The following GTF3C4 variants were observed in gnomAD, a reference collection of about 807,000 sequenced individuals.
GTF3C4 encodes general transcription factor 3C polypeptide 4.
Under a neutral mutation model 67.5 loss-of-function variants are expected in GTF3C4, and 28 were observed. The ratio of observed to expected loss-of-function variants is 0.41; its 90% CI spans 0.31 to 0.57. GTF3C4 has a LOEUF of 0.57. Ranked by LOEUF, GTF3C4 falls within the 20% of genes least tolerant of loss-of-function variation. The probability of loss-of-function intolerance (pLI) is 0.21; values close to 1 mark genes in which losing one functional copy is unlikely to be tolerated. For synonymous variants in GTF3C4, 409 were observed against 393.0 expected (o/e 1.04, Z -0.48); for missense variants, 831 against 1,033.2 (o/e 0.80, Z 2.68).
intron 2 of GTF3C4, among the ~76,000 whole-genome samples, chr9:132,681,619 T>C (rs972594077): frequency 6.6e-6 from 1 of 152,192 alleles, no homozygotes; most frequent in Non-Finnish European, 1.5e-5. Context: ...GAAGTTTTAA[T>C]GTATTTTGTG....
chr9:132,684,108 T>G (rs1459294519), intron 3 of GTF3C4, among the ~76,000 whole-genome samples: 1 of 152,176 alleles, frequency 6.6e-6, no homozygotes, highest in African/African-American at 2.4e-5. Context: ...GTCCTGTCTC[T>G]GACTCTTCAT....
At chr9:132,671,456 T>G (rs533025335) in intron 1 of GTF3C4, among the ~76,000 whole-genome samples, 41 of 152,338 alleles carry the variant, frequency 2.7e-4, no homozygotes, top group Non-Finnish European at 3.5e-4. Context: ...GTCTTAATTG[T>G]TTCAGTGACT....
rs1302712779 is a variant in GTF3C4, at chr9:132,678,629, T to C, written c.1010T>C (p.Phe337Ser). The change falls in exon 2 of 5, where the codon TTT becomes TCT. Residue 337 changes from phenylalanine to serine, a missense_variant. Physicochemically the swap from Phe to Ser is radical, Grantham distance 155 (BLOSUM62 -2). Around this residue, in one of 4 missense-constraint regions of GTF3C4, gnomAD observed 390 missense variants for 540.3 expected, o/e 0.72. Coordinates refer to ENST00000372146, the MANE Select transcript of GTF3C4 (RefSeq NM_012204.4). The surrounding 1 kb of genome is among the most constrained non-coding windows in gnomAD (Gnocchi z 6.5). ...KMSGLIVGSA[F>S]GPIKILPVNL... ...AGTGGCCTTATTGTGGGGAGTGCTT[T>C]TGGACCCATAAAAATTCTTCCTGTC... The C allele has an allele frequency of 1.2e-6, 2 of 1,614,012 alleles. No individual in the cohort carries two copies. The highest frequency in any genetic ancestry group is 3.3e-5 in the Admixed American group (2 of 60,004).
intron 4 of GTF3C4, among the ~76,000 whole-genome samples, chr9:132,688,599 C>T (rs1374658507): frequency 6.6e-6 from 1 of 152,230 alleles, no homozygotes; most frequent in African/African-American, 2.4e-5. Context: ...ATACTCCTTT[C>T]TTTAAATTGA....
chr9:132,682,096 T>C lies in GTF3C4; in HGVS notation c.2185-1467T>C, dbSNP rs993092957. 1.3e-5 allele frequency among the ~76,000 whole-genome samples: 2 copies of C among 151,990 alleles called. 1 individual carries two copies. Among genetic ancestry groups the C allele is most frequent in the South Asian group, 4.1e-4 (2 of 4,828 alleles). On this transcript the variant is annotated intron_variant, in intron 2 of 4. Coordinates refer to ENST00000372146, the MANE Select transcript of GTF3C4 (RefSeq NM_012204.4). ...TCTAGCCGGGGCAACAGCGAGACCC[T>C]GTCTTAAAAAGGAAAAAGAAAAAAT...
rs754190204 is a variant in GTF3C4, at chr9:132,670,967, C to G, written c.357+12C>G. On this transcript the variant is annotated intron_variant, in intron 1 of 4. Transcript: ENST00000372146. ...GCTGTCTCCTCAAAGTAAGTCATCC[C>G]CCGCCATCCCTGGGGTCTTCCCCTG... is the stretch of plus-strand genomic sequence containing the variant. 36 of 1,571,642 alleles carry G rather than the reference C, an allele frequency of 2.3e-5. No individual in the cohort carries two copies. Among genetic ancestry groups the G allele is most frequent in the Middle Eastern group, 1.7e-4 (1 of 6,008 alleles).
chr9:132,678,275 C>T lies in GTF3C4; in HGVS notation c.656C>T (p.Thr219Ile). The change falls in exon 2 of 5, where the codon ACC becomes ATC. Residue 219 changes from threonine (T) to isoleucine (I), a missense_variant. By Grantham distance (89) the Thr-to-Ile change is moderately conservative. Around this residue, in one of 4 missense-constraint regions of GTF3C4, gnomAD observed 390 missense variants for 540.3 expected, o/e 0.72. Transcript: ENST00000372146. This position sits in a 1 kb window ranked among gnomAD's most constrained non-coding sequence, Gnocchi z 6.5. ...ATCTATGGAGAACGTCTTTATGAGA[C>T]CAGTTACAGGCTCTCTAAAAATGAG... is the stretch of plus-strand genomic sequence containing the variant. ...TEIYGERLYETSYRLSKNEAP... is the reference protein window; with the variant it reads ...TEIYGERLYEISYRLSKNEAP... 1 of 1,614,134 alleles carries T rather than the reference C, an allele frequency of 6.2e-7. No homozygotes were observed. The highest frequency in any genetic ancestry group is 8.5e-7 in the Non-Finnish European group (1 of 1,180,014).
Position 132,679,486 on chromosome 9 carries a change from G to A in GTF3C4, c.1867G>A (p.Glu623Lys). ...GMGNADDEQQ[E>K]EGTSSKQVVK... ...GGGCAATGCTGACGATGAACAGCAG[G>A]AAGAAGGCACTTCTTCCAAACAGGT... The change falls in exon 2 of 5, where the codon GAA (glutamate) becomes AAA (lysine). Residue 623 changes from glutamate (E) to lysine (K), a missense_variant. Around this residue, in one of 4 missense-constraint regions of GTF3C4, gnomAD observed 75 missense variants for 66.4 expected, o/e 1.13. Coordinates refer to ENST00000372146, the MANE Select transcript of GTF3C4 (RefSeq NM_012204.4). This position sits in a 1 kb window ranked among gnomAD's most constrained non-coding sequence, Gnocchi z 5.9. The A allele has an allele frequency of 1.2e-6, 2 of 1,614,160 alleles. No individual in the cohort carries two copies. The highest frequency in any genetic ancestry group is 1.7e-6 in the Non-Finnish European group (2 of 1,180,036).
chr9:132,682,999 T>C (rs12005514), intron 2 of GTF3C4, among the ~76,000 whole-genome samples: 19,962 of 152,172 alleles, frequency 0.13, 1,541 homozygotes, highest in East Asian at 0.31. Flanking sequence ...TTCTTGCTCC[T>C]ATCGTGGGTC....
intron 1 of GTF3C4, among the ~76,000 whole-genome samples, chr9:132,673,928 A>G (rs536096206): frequency 1.3e-5 from 2 of 152,344 alleles, no homozygotes; most frequent in East Asian, 3.9e-4. Flanking sequence ...CTACTGATTT[A>G]GTGACTCATC....
intron 1 of GTF3C4, among the ~76,000 whole-genome samples, chr9:132,671,159 C>T (rs868740770): frequency 6.6e-6 from 1 of 152,174 alleles, no homozygotes. Flanking sequence ...CCCTGTTTCC[C>T]CAGGTCACCC....
intron 2 of GTF3C4, among the ~76,000 whole-genome samples, chr9:132,681,165 G>C (rs1835938540): frequency 6.6e-6 from 1 of 152,204 alleles, no homozygotes; most frequent in African/African-American, 2.4e-5. Flanking sequence ...AAGTATTCTG[G>C]TTATCACAGT....
At position 132,692,777 on chromosome 9, in the gene GTF3C4, C is replaced by T. The variant is rs2130905934; in HGVS notation, c.*3832C>T. 6.6e-6 allele frequency: 1 copy of T among 152,316 alleles called. No homozygotes were observed. Among genetic ancestry groups the T allele is most frequent in the East Asian group, 1.9e-4 (1 of 5,190 alleles). 9.4% of individuals were successfully genotyped at this position (152,316 alleles called of 1,614,324 possible). On this transcript the variant is annotated 3_prime_UTR_variant, in exon 5 of 5. Transcript: ENST00000372146. ...TCAAAAATCCCTCTAAAGGATCTAA[C>T]TGTAATGAACTGTTTTTATTTTTGC...
intron 3 of GTF3C4, among the ~76,000 whole-genome samples, chr9:132,686,326 C>G (rs911400344): frequency 6.6e-6 from 1 of 152,174 alleles, no homozygotes; most frequent in Admixed American, 6.5e-5. Context: ...AGTATGATTT[C>G]TCTAGGTGAG....
intron 1 of GTF3C4, among the ~76,000 whole-genome samples, chr9:132,672,884 G>A (rs1360313310): frequency 6.6e-6 from 1 of 152,156 alleles, no homozygotes; most frequent in Non-Finnish European, 1.5e-5. Flanking sequence ...AATGCTCAAG[G>A]TGAAAATATA....
At position 132,679,788 on chromosome 9, in the gene GTF3C4, T is replaced by C. The variant is rs746957865; in HGVS notation, c.2169T>C (p.Asp723=). The change falls in exon 2 of 5, where the codon GAT becomes GAC. Residue 723 remains aspartate (D), a synonymous_variant. Coordinates refer to ENST00000372146, the MANE Select transcript of GTF3C4 (RefSeq NM_012204.4). The surrounding 1 kb of genome is among the most constrained non-coding windows in gnomAD (Gnocchi z 5.9). The part of the protein sequence containing the change: ...CNFLMSDEEY[D]DRTARVLIGH... ...TTTTAATGTCTGATGAAGAGTATGA[T>C]GACAGAACTGCACGGGTAGGTGTTT... 4 of 1,601,972 alleles carry C rather than the reference T, an allele frequency of 2.5e-6. No homozygotes were observed. Among genetic ancestry groups the C allele is most frequent in the Non-Finnish European group, 3.4e-6 (4 of 1,170,704 alleles).
At chr9:132,685,494 A>G (rs987851048) in intron 3 of GTF3C4, among the ~76,000 whole-genome samples, 5 of 151,076 alleles carry the variant, frequency 3.3e-5, no homozygotes, top group Non-Finnish European at 7.4e-5. Flanking sequence ...TTTTTTTTCC[A>G]ATTTGTATTG....
intron 1 of GTF3C4, among the ~76,000 whole-genome samples, chr9:132,675,377 C>T (rs1243162702): frequency 1.3e-5 from 2 of 152,132 alleles, no homozygotes; most frequent in Non-Finnish European, 2.9e-5. Context: ...AGCCAGCCAC[C>T]TACACCTCAT....
At chr9:132,682,397 A>G (rs1835959175) in intron 2 of GTF3C4, among the ~76,000 whole-genome samples, 1 of 152,118 alleles carries the variant, frequency 6.6e-6, no homozygotes, top group Admixed American at 6.5e-5. Flanking sequence ...AATTAATCCA[A>G]AATCTTGTGG....
Sources: gnomAD v4.1 joint callset for allele counts (sites outside exome capture counted in the v4.1 genomes callset) on GRCh38, gnomAD v4.1.1 for gene constraint, gnomAD v4.1.1 regional missense constraint, Gnocchi (gnomAD v3.1) non-coding constraint, MANE v1.5 for transcripts, NCBI Gene and HGNC (gene_info 2026-07-23, HGNC 2026-07-21) for gene names.